The following UNC13B variants were observed in gnomAD, a reference collection of about 807,000 sequenced individuals.
UNC13B encodes the protein protein unc-13 homolog B.
A neutral mutation model predicts 211.0 loss-of-function variants in UNC13B; 144 were observed. That is an observed-to-expected ratio of 0.68 (90% CI 0.60 to 0.78). The LOEUF (loss-of-function observed/expected upper bound fraction) is 0.78, where lower values mean the gene tolerates loss of function less well. Ranked by LOEUF, UNC13B falls within the 30% of genes least tolerant of loss-of-function variation. The pLI is 0.00. For missense variants in UNC13B, 1,777 were observed against 2,002.0 expected (o/e 0.89, Z 2.14); for synonymous variants, 709 against 725.8 (o/e 0.98, Z 0.37).
chr9:35,397,141 G>A (rs1222534657), intron 28 of UNC13B, 26 bp from the exon 29 acceptor site: 1 of 1,611,940 alleles, frequency 6.2e-7, no homozygotes, highest in East Asian at 2.2e-5. Flanking sequence ...GCTGTGGATG[G>A]TGACCCTGTG....
intron 1 of UNC13B, among the ~76,000 whole-genome samples, chr9:35,170,058 T>C (rs142934029): frequency 6.6e-6 from 1 of 152,380 alleles, no homozygotes; most frequent in African/African-American, 2.4e-5. Context: ...TTAGGATTAT[T>C]AGGTCTGATT....
chr9:35,180,884 A>T (rs1312322898), intron 1 of UNC13B, among the ~76,000 whole-genome samples: 1 of 151,482 alleles, frequency 6.6e-6, no homozygotes, highest in East Asian at 1.9e-4. Flanking sequence ...GCTTGAACCC[A>T]GGAGTTCCAG....
intron 37 of UNC13B, chr9:35,401,844 A>G: frequency 9.6e-7 from 1 of 1,044,048 alleles, no homozygotes; most frequent in Non-Finnish European, 1.4e-6. Flanking sequence ...CCCTCAGAAT[A>G]TGTGTAGAGC....
chr9:35,316,585 A>G (rs921501428), intron 11 of UNC13B, among the ~76,000 whole-genome samples: 12 of 152,182 alleles, frequency 7.9e-5, no homozygotes, highest in Non-Finnish European at 1.8e-4. Flanking sequence ...TCTTGGAAAG[A>G]GACTATTAAC....
intron 36 of UNC13B, 137 bp from the exon 37 acceptor site, chr9:35,400,159 G>A (rs1836197456): frequency 2.4e-6 from 3 of 1,244,762 alleles, no homozygotes; most frequent in South Asian, 3.0e-5. Flanking sequence ...ACTCATCCAA[G>A]AGCCTATGCT....
intron 1 of UNC13B, among the ~76,000 whole-genome samples, chr9:35,208,883 C>T (rs989465245): frequency 2.0e-5 from 3 of 152,178 alleles, no homozygotes; most frequent in African/African-American, 7.2e-5. Context: ...ATTGACTTTC[C>T]AATTTATGAT....
At chr9:35,312,522 G>A (rs1261215827) in intron 10 of UNC13B, among the ~76,000 whole-genome samples, 2 of 152,180 alleles carry the variant, frequency 1.3e-5, no homozygotes, top group African/African-American at 4.8e-5. Flanking sequence ...AAGCAGAAGT[G>A]CCCAGCACAA....
chr9:35,188,218 T>G (rs1822466501), intron 1 of UNC13B, among the ~76,000 whole-genome samples: 1 of 152,148 alleles, frequency 6.6e-6, no homozygotes, highest in Non-Finnish European at 1.5e-5. Flanking sequence ...TTAAAGCTAT[T>G]AAAAAAACTC....
At chr9:35,200,320 C>T (rs1254681229) in intron 1 of UNC13B, among the ~76,000 whole-genome samples, 1 of 152,156 alleles carries the variant, frequency 6.6e-6, no homozygotes, top group Non-Finnish European at 1.5e-5. Flanking sequence ...GCAATGCAGG[C>T]TCTTTTTTGG....
intron 6 of UNC13B, among the ~76,000 whole-genome samples, chr9:35,249,788 T>C (rs994613612): frequency 1.3e-5 from 2 of 152,200 alleles, no homozygotes; most frequent in Non-Finnish European, 2.9e-5. Flanking sequence ...GCCCTTAACA[T>C]TATTTCCTTC....
intron 11 of UNC13B, among the ~76,000 whole-genome samples, chr9:35,356,406 G>A (rs1419142961): frequency 6.6e-6 from 1 of 152,014 alleles, no homozygotes; most frequent in Non-Finnish European, 1.5e-5. Context: ...GCCAGGTACT[G>A]TTTTAAGTAC....
At chr9:35,237,445 T>G (rs1228237278) in intron 4 of UNC13B, among the ~76,000 whole-genome samples, 3 of 152,196 alleles carry the variant, frequency 2.0e-5, no homozygotes, top group African/African-American at 7.2e-5. Flanking sequence ...TACTTAGTTT[T>G]AGAGTATGGT....
At chr9:35,353,186 G>A (rs758875544) in intron 11 of UNC13B, 393 of 1,232,026 alleles carry the variant, frequency 3.2e-4, no homozygotes, top group Non-Finnish European at 3.8e-4. Context: ...TGCTGCTCAC[G>A]TCCTCAAGGA....
At chr9:35,385,109 A>G in intron 22 of UNC13B, 1 of 985,484 alleles carries the variant, frequency 1.0e-6, no homozygotes, top group African/African-American at 1.7e-5. Flanking sequence ...ATGTGAAGAC[A>G]GGCTCAGCAT....
chr9:35,306,144 A>G lies in UNC13B; in HGVS notation c.6740A>G (p.Lys2247Arg). 2.5e-6 allele frequency: 1 copy of G among 399,086 alleles called. No individual in the cohort carries two copies. The highest frequency in any genetic ancestry group is 4.4e-6 in the Non-Finnish European group (1 of 226,062). The allele number at this position is 399,086 out of a possible 1,614,324, so 24.7% of individuals were successfully genotyped here. A position where few individuals can be genotyped will look rare whatever the true frequency, so the allele number is the denominator to read the frequency against. Residue 2247 changes from lysine (K) to arginine (R), a missense_variant, in exon 9 of 40, where the codon AAG becomes AGG. Physicochemically the swap from Lys to Arg is conservative, Grantham distance 26 (BLOSUM62 2). Coordinates refer to ENST00000635942, the MANE Select transcript of UNC13B (RefSeq NM_001371189.2). Reference sequence around the variant, plus strand: ...GTTCCAGTGACCTCCCAGCCCTGTAAGAAGACAAATGTTTTTGTAGAGAGT... The same window carrying G: ...GTTCCAGTGACCTCCCAGCCCTGTAGGAAGACAAATGTTTTTGTAGAGAGT... ...TVVPVTSQPC[K>R]KTNVFVESGS...
intron 7 of UNC13B, among the ~76,000 whole-genome samples, chr9:35,292,353 C>T (rs1246996265): frequency 1.3e-5 from 2 of 152,146 alleles, no homozygotes; most frequent in Admixed American, 6.5e-5. Context: ...CCATAATTTC[C>T]TCTATGTCTT....
chr9:35,364,667 A>C, intron 11 of UNC13B: 1 of 1,284,946 alleles, frequency 7.8e-7, no homozygotes, highest in East Asian at 2.6e-5. Flanking sequence ...GTGTGTGTAC[A>C]TGCACATGTG....
At position 35,302,382 on chromosome 9, in the gene UNC13B, T is replaced by A. The variant is rs1387226073; in HGVS notation, c.2978T>A (p.Val993Glu). Residue 993 changes from valine (V) to glutamate (E), a missense_variant, in exon 9 of 40, where the codon GTA becomes GAA. Transcript: ENST00000635942. ...AAGGAATTTAATAAGAATGACCAAG[T>A]AAATTGTCCTGAAGATGCCAAACTT... Reference protein sequence around the residue: ...SIKEFNKNDQVNCPEDAKLSS... With the variant: ...SIKEFNKNDQENCPEDAKLSS... The A allele has an allele frequency of 2.5e-6, 1 of 398,442 alleles. No homozygotes were observed. Among genetic ancestry groups the A allele is most frequent in the East Asian group, 3.6e-5 (1 of 28,034 alleles). 24.7% of individuals were successfully genotyped at this position (398,442 alleles called of 1,614,324 possible).
At chr9:35,271,000 G>T (rs1364449743) in intron 7 of UNC13B, among the ~76,000 whole-genome samples, 1 of 152,054 alleles carries the variant, frequency 6.6e-6, no homozygotes, top group African/African-American at 2.4e-5. Context: ...TTAGCTGGGT[G>T]TGGTGGTGTA....
Sources: allele counts gnomAD v4.1 joint callset (sites outside exome capture counted in the v4.1 genomes callset), GRCh38; gene constraint gnomAD v4.1.1; transcripts MANE v1.5; gene names NCBI Gene and HGNC (gene_info 2026-07-23, HGNC 2026-07-21).